The following C5 variants were observed in gnomAD, a reference collection of about 807,000 sequenced individuals.
C5 encodes C3 and PZP-like alpha-2-macroglobulin domain-containing protein 4.
C5 carries 140 observed loss-of-function variants against 218.8 expected under a neutral mutation model. The ratio of observed to expected loss-of-function variants is 0.64; its 90% CI spans 0.56 to 0.74. The LOEUF (loss-of-function observed/expected upper bound fraction) is 0.74, where lower values mean the gene tolerates loss of function less well. Ranked by LOEUF, C5 falls within the 30% of genes least tolerant of loss-of-function variation. The probability of loss-of-function intolerance (pLI) is 0.00; values close to 1 mark genes in which losing one functional copy is unlikely to be tolerated. For synonymous variants in C5, 614 were observed against 682.3 expected (o/e 0.90, Z 1.56); for missense variants, 1,700 against 1,969.6 (o/e 0.86, Z 2.59).
Position 120,960,272 on chromosome 9 carries a change from CTGTT to C in C5, c.4650_4653del (p.Thr1551HisfsTer19). 6.2e-7 allele frequency: 1 copy of C among 1,612,572 alleles called. No homozygotes were observed. Among genetic ancestry groups the C allele is most frequent in the Non-Finnish European group, 8.5e-7 (1 of 1,178,872 alleles). ...CCATATGCAATCTCTGGTTTACATG[CTGTT>C]TGTTTTCTTGTCTCTGCAGAGATTG... On this transcript the variant is annotated frameshift_variant, in exon 38 of 41. Transcript: ENST00000223642. LOFTEE classifies it high-confidence loss of function.
chr9:121,017,221 A>C (rs770101216), intron 14 of C5, 141 bp downstream of exon 14: 75 of 903,864 alleles, frequency 8.3e-5, no homozygotes, highest in Non-Finnish European at 1.2e-4. Context: ...AGCTGACAGG[A>C]GGATGGTTTA....
the C5 span, among the ~76,000 whole-genome samples, chr9:121,062,281 G>A: frequency 6.6e-6 from 1 of 152,324 alleles, no homozygotes; most frequent in African/African-American, 2.4e-5. Flanking sequence ...TATTGTGAAT[G>A]CTCTGTGTGA....
chr9:121,069,358 A>G, the C5 span, among the ~76,000 whole-genome samples: 1 of 152,228 alleles, frequency 6.6e-6, no homozygotes, highest in Non-Finnish European at 1.5e-5. Flanking sequence ...AAAAGAAGAC[A>G]TACAAATGAC....
At chr9:121,007,770 G>C (rs1345409051) in intron 18 of C5, among the ~76,000 whole-genome samples, 1 of 152,200 alleles carries the variant, frequency 6.6e-6, no homozygotes. Flanking sequence ...GGGAGCAGTG[G>C]CCAGAAGGTT....
Position 120,969,099 on chromosome 9 carries a change from G to A in C5, c.4182C>T (p.Tyr1394=), listed in dbSNP as rs142157475. The change falls in exon 33 of 41, where the codon TAC becomes TAT. Residue 1394 remains tyrosine, a synonymous_variant. Transcript: ENST00000223642. ...CTATGCGTTTGTAATCAGAGTTTCC[G>A]TAGCCTCTGTAGTGGGATGCTGGCA... ...QDIEASHYRG[Y]GNSDYKRIVA... 27 of 1,613,768 alleles carry A rather than the reference G, an allele frequency of 1.7e-5. No individual in the cohort carries two copies. The highest frequency in any genetic ancestry group is 2.7e-5 in the African/African-American group (2 of 74,892).
intron 25 of C5, 121 bp downstream of exon 25, chr9:120,988,924 AG>A (rs1234757609): frequency 1.3e-6 from 1 of 773,398 alleles, no homozygotes; most frequent in African/African-American, 1.7e-5. Flanking sequence ...AGAGAAAGAG[AG>A]GAGTGAAGGA....
intron 2 of C5, among the ~76,000 whole-genome samples, chr9:121,044,898 C>G (rs532858501): frequency 6.6e-6 from 1 of 151,362 alleles, no homozygotes; most frequent in East Asian, 1.9e-4. Flanking sequence ...AACTAAGAGC[C>G]ACAAATACAT....
the C5 span, among the ~76,000 whole-genome samples, chr9:121,066,097 G>A: frequency 2.6e-5 from 4 of 151,788 alleles, no homozygotes; most frequent in Non-Finnish European, 4.4e-5. Flanking sequence ...GGCAGATCAT[G>A]AGGTTAGGAG....
intron 10 of C5, among the ~76,000 whole-genome samples, chr9:121,022,766 T>G (rs2047377454): frequency 6.6e-6 from 1 of 151,318 alleles, no homozygotes; most frequent in Non-Finnish European, 1.5e-5. Flanking sequence ...AAAAACCACA[T>G]GAATGTTTCA....
At chr9:121,051,376 G>C (rs2047670101), upstream of C5, among the ~76,000 whole-genome samples, 2 of 151,964 alleles carry the variant, frequency 1.3e-5, no homozygotes. Flanking sequence ...CACCCACCTT[G>C]GCCTCCCAAA....
In C5 at chr9:120,974,885, A is replaced by C. The variant is rs753792242; in HGVS notation, c.3911T>G (p.Val1304Gly). 6.2e-7 allele frequency: 1 copy of C among 1,614,222 alleles called. No homozygotes were observed. The highest frequency in any genetic ancestry group is 8.5e-7 in the Non-Finnish European group (1 of 1,180,014). Residue 1304 changes from valine (V) to glycine (G), a missense_variant, in exon 30 of 41, where the codon GTT becomes GGT. Transcript: ENST00000223642. ...IEGLTEYSLL[V>G]KQLRLSMDID... ...GTCCATACTCAAGCGGAGTTGTTTAACCAGGAGTGAATATTCCGTCAGGCC... is the reference window on the plus strand; with the variant it reads ...GTCCATACTCAAGCGGAGTTGTTTACCCAGGAGTGAATATTCCGTCAGGCC...
intron 20 of C5, among the ~76,000 whole-genome samples, chr9:121,000,703 G>A (rs548647252): frequency 1.1e-4 from 16 of 152,136 alleles, no homozygotes; most frequent in East Asian, 9.6e-4. Context: ...TTTTAGGTTC[G>A]GGGCACATGT....
intron 1 of C5, among the ~76,000 whole-genome samples, chr9:121,047,879 T>C (rs1240688007): frequency 6.6e-6 from 1 of 152,178 alleles, no homozygotes; most frequent in Admixed American, 6.5e-5. Context: ...AAGATATATT[T>C]ACTGAAATTT....
At chr9:121,000,158 G>C (rs1472241124) in intron 20 of C5, 1 of 185,314 alleles carries the variant, frequency 5.4e-6, no homozygotes, top group Non-Finnish European at 1.1e-5. Context: ...TCCATAAATT[G>C]CTGACCCTTG....
rs1476053596 is a variant in C5 at position 121,027,286 on chromosome 9, T to G, written c.759-12A>C. The G allele has an allele frequency of 2.4e-6, 3 of 1,231,824 alleles. No homozygotes were observed. Among genetic ancestry groups the G allele is most frequent in the South Asian group, 2.5e-5 (2 of 81,308 alleles). The allele number at this position is 1,231,824 out of a possible 1,614,324, so 76.3% of individuals were successfully genotyped here. A position where few individuals can be genotyped will look rare whatever the true frequency, so the allele number is the denominator to read the frequency against. ...TATTATAAAAATATCTGTCAGACAA[T>G]AGCATAAAACTGTTTTACTAACATG... is the stretch of plus-strand genomic sequence containing the variant. On this transcript the variant is annotated splice_polypyrimidine_tract_variant and intron_variant, in intron 7 of 40. Transcript: ENST00000223642.
intron 20 of C5, among the ~76,000 whole-genome samples, chr9:120,999,066 T>C (rs376534533): frequency 1.4e-4 from 22 of 152,176 alleles, no homozygotes; most frequent in East Asian, 1.4e-3. Context: ...AGGATAGATA[T>C]AGAAGAGTCA....
intron 8 of C5, 113 bp from the exon 9 acceptor site, chr9:121,025,693 T>A (rs2047415832): frequency 1.4e-5 from 14 of 1,022,800 alleles, no homozygotes; most frequent in Non-Finnish European, 1.9e-5. Context: ...AGAAGAATGG[T>A]TTAGTGTCAA....
chr9:121,057,727 A>G, the C5 span, among the ~76,000 whole-genome samples: 1 of 152,112 alleles, frequency 6.6e-6, no homozygotes, highest in Admixed American at 6.5e-5. Context: ...GAGGACCAAC[A>G]AAACAAGCAG....
chr9:120,971,947 C>A lies in C5; in HGVS notation c.4063G>T (p.Gly1355Cys). 1 of 1,613,046 alleles carries A rather than the reference C, an allele frequency of 6.2e-7. No individual in the cohort carries two copies. The highest frequency in any genetic ancestry group is 1.1e-5 in the South Asian group (1 of 91,064). Residue 1355 changes from glycine (G) to cysteine (C), a missense_variant, in exon 31 of 41, where the codon GGC (glycine) becomes TGC (cysteine). Physicochemically the swap from Gly to Cys is radical, Grantham distance 159. Coordinates refer to ENST00000223642, the MANE Select transcript of C5 (RefSeq NM_001735.3). ...DLIVSTGFGSGLATVHVTTVV... is the reference protein window; with the variant it reads ...DLIVSTGFGSCLATVHVTTVV... Reference sequence around the variant, plus strand: ...ATACTTACATGTACTGTAGCCAAGCCACTGCCAAATCCTGTACTGACAATG... The same window carrying A: ...ATACTTACATGTACTGTAGCCAAGCAACTGCCAAATCCTGTACTGACAATG...
Sources: allele counts gnomAD v4.1 joint callset (sites outside exome capture counted in the v4.1 genomes callset), GRCh38; gene constraint gnomAD v4.1.1; transcripts MANE v1.5; gene names NCBI Gene and HGNC (gene_info 2026-07-23, HGNC 2026-07-21).